The following F8 variants were observed in gnomAD, a reference collection of about 807,000 sequenced individuals.
F8 encodes antihemophilic factor.
In F8, 12 loss-of-function variants were observed where a neutral mutation model predicts 140.6. The observed-to-expected ratio is 0.09, with a 90% CI of 0.05 to 0.14. F8 has a LOEUF of 0.14. Among genes scored for constraint, F8 ranks in the 10% least tolerant of loss-of-function variants. F8 has a pLI of 1.00. For synonymous variants in F8, 585 were observed against 614.6 expected, an observed-to-expected ratio of 0.95 and a Z score of 0.71; for missense variants, 1,354 against 1,720.7, an observed-to-expected ratio of 0.79 and a Z score of 3.77.
intron 22 of F8, among the ~76,000 whole-genome samples, chrX:154,878,965 A>C (rs985656259): frequency 8.8e-4 from 99 of 112,614 alleles, no homozygotes; most frequent in African/African-American, 3.1e-3. Flanking sequence ...GAAAACTACA[A>C]AACATTGCTG....
chrX:155,014,516 T>C (rs2073724976), intron 1 of F8, among the ~76,000 whole-genome samples: 1 of 112,214 alleles, frequency 8.9e-6, no homozygotes, highest in Non-Finnish European at 1.9e-5. Flanking sequence ...AACATTATTG[T>C]ATATGTAGAA....
intron 4 of F8, among the ~76,000 whole-genome samples, chrX:154,989,203 G>A (rs1557284477): frequency 1.8e-5 from 2 of 111,524 alleles, no homozygotes; most frequent in Non-Finnish European, 3.8e-5. Flanking sequence ...TTTAAAATAC[G>A]TATAAAGCTG....
chrX:155,013,570 C>T (rs1447973258), intron 1 of F8, among the ~76,000 whole-genome samples: 1 of 111,569 alleles, frequency 9.0e-6, no homozygotes, highest in Non-Finnish European at 1.9e-5. Context: ...ATATCAAAAC[C>T]AGACAATGAC....
rs193084556 is a variant in F8 at position 154,926,057 on chromosome X, A to G, written c.5219+2514T>C. 3.6e-5 allele frequency among the ~76,000 whole-genome samples: 4 copies of G among 111,988 alleles called. No homozygotes were observed. The Admixed American group carries it at 3.8e-4, about 11-fold the overall frequency. ...TCCCTTGCTGTTCTCATGATAGTGA[A>G]TAAGTCTCACAAGATCTGATGGTTT... On this transcript the variant is annotated intron_variant, in intron 14 of 25. Transcript: ENST00000360256.
In F8 at chrX:154,931,133, G is replaced by T. The variant is rs781956846; in HGVS notation, c.2657C>A (p.Ala886Glu). ...LRLNEKLGTT[A>E]ATELKKLDFK... Reference sequence around the variant, plus strand: ...ATCAAGTTTCTTCAACTCTGTTGCTGCAGTTGTCCCCAGTTTCTCATTTAA... The same window carrying T: ...ATCAAGTTTCTTCAACTCTGTTGCTTCAGTTGTCCCCAGTTTCTCATTTAA... The change falls in exon 14 of 26, where the codon GCA (alanine) becomes GAA (glutamate). Residue 886 changes from alanine (A) to glutamate (E), a missense_variant. Coordinates refer to ENST00000360256, the MANE Select transcript of F8 (RefSeq NM_000132.4). 4.4e-5 allele frequency: 53 copies of T among 1,209,365 alleles called. No individual in the cohort carries two copies. Among genetic ancestry groups the T allele is most frequent in the Non-Finnish European group, 5.9e-5 (53 of 894,909 alleles).
chrX:154,982,445 CAAA>C (rs782689011), intron 6 of F8, among the ~76,000 whole-genome samples: 104 of 59,508 alleles, frequency 1.7e-3, no homozygotes, highest in African/African-American at 3.4e-3. Flanking sequence ...GACTCCGTCT[CAAA>C]AAAAAAAAAA....
intron 25 of F8, among the ~76,000 whole-genome samples, chrX:154,849,768 T>C (rs2072599495): frequency 9.0e-6 from 1 of 111,583 alleles, no homozygotes; most frequent in Non-Finnish European, 1.9e-5. Context: ...TTAGGTTTGT[T>C]GAGTATATTT....
At chrX:154,948,493 A>T in intron 12 of F8, among the ~76,000 whole-genome samples, 1 of 112,601 alleles carries the variant, frequency 8.9e-6, no homozygotes, top group African/African-American at 3.2e-5. Flanking sequence ...TTTCAAATAG[A>T]AAATAAGTAA....
intron 17 of F8, 102 bp from the exon 18 acceptor site, chrX:154,904,190 G>A: frequency 9.1e-7 from 1 of 1,102,157 alleles, no homozygotes; most frequent in Non-Finnish European, 1.3e-6. Flanking sequence ...CACTCCCACA[G>A]ATATACTCTA....
chrX:154,838,892 T>C (rs1557271139), intron 25 of F8, among the ~76,000 whole-genome samples: 1 of 109,791 alleles, frequency 9.1e-6, no homozygotes, highest in Non-Finnish European at 1.9e-5. Flanking sequence ...TGGAATCGCC[T>C]TTGGAGCTTT....
chrX:154,963,901 T>C (rs1413882355), intron 9 of F8, among the ~76,000 whole-genome samples: 1 of 109,879 alleles, frequency 9.1e-6, no homozygotes, highest in East Asian at 2.8e-4. Flanking sequence ...AGTGCAGTGG[T>C]GCGATCTCAG....
chrX:154,845,895 T>G (rs1210108898), intron 25 of F8, among the ~76,000 whole-genome samples: 2 of 112,358 alleles, frequency 1.8e-5, no homozygotes, highest in African/African-American at 3.2e-5. Context: ...AGGGTGTCAA[T>G]TTTTGATCTT....
intron 2 of F8, 99 bp from the exon 3 acceptor site, chrX:154,997,194 G>A: frequency 9.9e-7 from 1 of 1,009,560 alleles, no homozygotes; most frequent in Non-Finnish European, 1.4e-6. Flanking sequence ...GGAGAAGCAT[G>A]CCCCTGTAAT....
At chrX:154,862,174 A>C (rs28370227) in intron 23 of F8, among the ~76,000 whole-genome samples, 1,343 of 110,213 alleles carry the variant, frequency 0.012, 21 homozygotes, top group African/African-American at 0.042. Context: ...CTACAGGCGC[A>C]CACCACCACA....
At chrX:154,872,017 A>T (rs1296826331) in intron 22 of F8, among the ~76,000 whole-genome samples, 1 of 112,330 alleles carries the variant, frequency 8.9e-6, no homozygotes, top group Non-Finnish European at 1.9e-5. Context: ...CACGCCAGTT[A>T]GAACGGTGAT....
chrX:154,981,940 C>T (rs1258745360), intron 6 of F8, among the ~76,000 whole-genome samples: 1 of 111,873 alleles, frequency 8.9e-6, no homozygotes, highest in Non-Finnish European at 1.9e-5. Flanking sequence ...AATCCCAGCA[C>T]TTTGGGAGGC....
At chrX:155,012,462 T>G (rs2073710632) in intron 1 of F8, among the ~76,000 whole-genome samples, 1 of 110,629 alleles carries the variant, frequency 9.0e-6, no homozygotes, top group Non-Finnish European at 1.9e-5. Context: ...AGGCATATGT[T>G]ACCACACTTG....
intron 4 of F8, among the ~76,000 whole-genome samples, chrX:154,990,259 C>G (rs1228202471): frequency 9.0e-6 from 1 of 111,607 alleles, no homozygotes; most frequent in East Asian, 2.8e-4. Context: ...TTCATCTCTC[C>G]TTACTTGCCT....
chrX:154,954,325 G>A (rs1238346216), intron 11 of F8, among the ~76,000 whole-genome samples: 9 of 111,384 alleles, frequency 8.1e-5, no homozygotes, highest in African/African-American at 2.9e-4. Flanking sequence ...TGATTTATTT[G>A]GTACAGTCTG....
Sources: allele counts gnomAD v4.1 joint callset (sites outside exome capture counted in the v4.1 genomes callset), GRCh38; gene constraint gnomAD v4.1.1; transcripts MANE v1.5; gene names NCBI Gene and HGNC (gene_info 2026-07-23, HGNC 2026-07-21).